The following MID1 variants were observed in gnomAD, a reference collection of about 807,000 sequenced individuals.
MID1 encodes the protein midline 1.
MID1 carries 7 observed loss-of-function variants against 40.4 expected under a neutral mutation model. The ratio of observed to expected loss-of-function variants is 0.17; its 90% confidence interval spans 0.10 to 0.33. The LOEUF is 0.33. MID1 is among the 10% of genes least tolerant of loss of function. The probability of loss-of-function intolerance (pLI) is 1.00; values close to 1 mark genes in which losing one functional copy is unlikely to be tolerated. For missense variants in MID1, 367 were observed against 558.5 expected, an observed-to-expected ratio of 0.66 and a Z score of 3.46; for synonymous variants, 229 against 221.2, an observed-to-expected ratio of 1.04 and a Z score of -0.31.
At chrX:10,724,711 C>A (rs1472255260) in intron 1 of MID1, among the ~76,000 whole-genome samples, 1 of 112,014 alleles carries the variant, frequency 8.9e-6, no homozygotes, top group Non-Finnish European at 1.9e-5. Context: ...AATAGATGAG[C>A]TTTTCCTTTT....
rs765659437 is a variant in MID1 at position 10,699,889 on chromosome X, C to T, written c.-186-79470G>A. The stretch of plus-strand genomic sequence containing the variant: ...CCAGGTTGGAGTGCAATGGGGCGAT[C>T]TCGGCTCACTGCAACCTCCGCCTCC... On this transcript the variant is annotated intron_variant, in intron 1 of 10. Coordinates refer to the MID1 transcript ENST00000380785. 2.8e-5 allele frequency among the ~76,000 whole-genome samples: 3 copies of T among 107,855 alleles called. No individual in the cohort carries two copies. In the South Asian group the frequency reaches 1.3e-3, roughly 45 times the overall value. The allele number at this position is 107,855 out of a possible 115,157, so 93.7% of individuals were successfully genotyped here.
chrX:10,710,039 T>C (rs1168672033), intron 1 of MID1, among the ~76,000 whole-genome samples: 2 of 111,499 alleles, frequency 1.8e-5, no homozygotes, highest in Admixed American at 9.6e-5. Flanking sequence ...GTCTAGCCAT[T>C]GGGGGAAGAT....
intron 5 of MID1, among the ~76,000 whole-genome samples, chrX:10,479,434 C>A (rs959119833): frequency 3.6e-5 from 4 of 110,916 alleles, no homozygotes; most frequent in Non-Finnish European, 5.7e-5. Context: ...AATAGTAGGT[C>A]TTATTCATTC....
chrX:10,497,771 G>A (rs1055142456), intron 3 of MID1, among the ~76,000 whole-genome samples: 10 of 111,877 alleles, frequency 8.9e-5, no homozygotes, highest in African/African-American at 2.9e-4. Flanking sequence ...GAATAAACCC[G>A]AAGAGCTAAG....
chrX:10,758,321 G>A (rs2043648381), intron 1 of MID1, among the ~76,000 whole-genome samples: 1 of 108,278 alleles, frequency 9.2e-6, no homozygotes, highest in African/African-American at 3.4e-5. Context: ...TGTCTATCAA[G>A]ACAGATAGAA....
intron 1 of MID1, among the ~76,000 whole-genome samples, chrX:10,746,124 T>C (rs966092773): frequency 8.9e-6 from 1 of 111,986 alleles, no homozygotes; most frequent in African/African-American, 3.2e-5. Context: ...GCGGCATTCC[T>C]GAGCAGAGAT....
chrX:10,536,139 C>T (rs1303045159), intron 2 of MID1, among the ~76,000 whole-genome samples: 1 of 111,218 alleles, frequency 9.0e-6, no homozygotes, highest in East Asian at 2.8e-4. Flanking sequence ...GCAGGAGGAT[C>T]GCCTGAGTTC....
intron 1 of MID1, among the ~76,000 whole-genome samples, chrX:10,731,176 G>C (rs1246689910): frequency 9.0e-6 from 1 of 111,145 alleles, no homozygotes; most frequent in African/African-American, 3.3e-5. Context: ...AAACAGAGGG[G>C]ACACATGGAA....
intron 1 of MID1, among the ~76,000 whole-genome samples, chrX:10,693,755 G>A (rs1412405804): frequency 9.0e-6 from 1 of 111,699 alleles, no homozygotes; most frequent in Non-Finnish European, 1.9e-5. Flanking sequence ...TATCTATTAT[G>A]TGCTAGTCTA....
chrX:10,471,172 T>TA (rs1929687028), intron 6 of MID1, among the ~76,000 whole-genome samples: 1 of 112,178 alleles, frequency 8.9e-6, no homozygotes, highest in Non-Finnish European at 1.9e-5. Flanking sequence ...AGGAGAAACA[T>TA]ACCTGCACTC....
intron 1 of MID1, among the ~76,000 whole-genome samples, chrX:10,754,302 TTTTTTTGTTTTTTG>T (rs1240887442): frequency 9.4e-6 from 1 of 106,211 alleles, no homozygotes; most frequent in Non-Finnish European, 1.9e-5. Context: ...CAAGAGAGTT[TTTTTTTGTTTTTTG>T]TTTTTTGTTT....
At chrX:10,460,936 G>A (rs1042880816) in intron 7 of MID1, among the ~76,000 whole-genome samples, 11 of 110,708 alleles carry the variant, frequency 9.9e-5, no homozygotes, top group African/African-American at 3.6e-4. Flanking sequence ...ACAGGCTCCC[G>A]AAGCCTGTCT....
At chrX:10,760,319 C>A (rs547852860) in intron 1 of MID1, among the ~76,000 whole-genome samples, 1 of 111,563 alleles carries the variant, frequency 9.0e-6, no homozygotes, top group Non-Finnish European at 1.9e-5. Context: ...TTAATTGAAT[C>A]CCCCTCTCTC....
intron 1 of MID1, among the ~76,000 whole-genome samples, chrX:10,674,927 A>G (rs1173134916): frequency 8.9e-6 from 1 of 112,382 alleles, no homozygotes; most frequent in Non-Finnish European, 1.9e-5. Context: ...AAAAGCATAT[A>G]TTTTTTCAGG....
intron 1 of MID1, among the ~76,000 whole-genome samples, chrX:10,692,536 G>C (rs1219424904): frequency 2.7e-5 from 3 of 110,368 alleles, no homozygotes; most frequent in Non-Finnish European, 5.7e-5. Flanking sequence ...AGAATTGCTT[G>C]AACCCGGGAG....
At chrX:10,623,241 C>A (rs749738319), upstream of MID1, among the ~76,000 whole-genome samples, 4 of 91,765 alleles carry the variant, frequency 4.4e-5, no homozygotes, top group Non-Finnish European at 8.6e-5. Context: ...ACAAATAAGA[C>A]CCCGAAAAAA....
At chrX:10,643,884 T>C (rs1013998737) in intron 1 of MID1, among the ~76,000 whole-genome samples, 2 of 111,282 alleles carry the variant, frequency 1.8e-5, no homozygotes, top group African/African-American at 6.6e-5. Context: ...AAACCATCAT[T>C]CTGAGCAAAC....
At chrX:10,623,935 G>A (rs1935969173), upstream of MID1, among the ~76,000 whole-genome samples, 1 of 111,438 alleles carries the variant, frequency 9.0e-6, no homozygotes, top group Admixed American at 9.5e-5. Flanking sequence ...ATGGAATACC[G>A]TGTTCGAAGT....
rs34361228 is a variant in MID1 at position 10,580,113 on chromosome X, T to TAC, written c.-56-12512_-56-12511dup. Among the ~76,000 whole-genome samples the TAC allele has an allele frequency of 6.5e-3, 647 of 100,302 alleles. 4 individuals carry two copies. The highest frequency in any genetic ancestry group is 0.01 in the Middle Eastern group (2 of 193). 87.1% of individuals were successfully genotyped at this position (100,302 alleles called of 115,157 possible). The stretch of plus-strand genomic sequence containing the variant: ...AAAATTAGGTTATCATTAAAACACA[T>TAC]ACACACACACACACACACACACACT... On this transcript the variant is annotated intron_variant, in intron 1 of 9. Transcript: ENST00000317552.
Sources: allele counts gnomAD v4.1 joint callset (sites outside exome capture counted in the v4.1 genomes callset), GRCh38; gene constraint gnomAD v4.1.1; transcripts MANE v1.5; gene names NCBI Gene and HGNC (gene_info 2026-07-23, HGNC 2026-07-21).